ABCG5: variants seen among roughly 807,000 people sequenced by gnomAD.
The protein encoded by ABCG5 is ATP binding cassette subfamily G member 5.
Under a neutral mutation model 64.5 loss-of-function variants are expected in ABCG5, and 64 were observed. The observed-to-expected ratio is 0.99, with a 90% CI of 0.81 to 1.22. The LOEUF (loss-of-function observed/expected upper bound fraction) is 1.22, where lower values mean the gene tolerates loss of function less well. Among genes scored for constraint, ABCG5 ranks in the 50% most tolerant of loss-of-function variants. ABCG5 has a pLI of 0.00. For synonymous variants in ABCG5, 385 were observed against 326.3 expected (o/e 1.18, Z -1.94); for missense variants, 908 against 829.5 (o/e 1.09, Z -1.16).
intron 11 of ABCG5, among the ~76,000 whole-genome samples, chr2:43,817,275 A>C (rs1300957551): frequency 6.6e-6 from 1 of 152,114 alleles, no homozygotes; most frequent in Middle Eastern, 3.2e-3. Context: ...ACTTGAAGTC[A>C]GGAGTTTGAG....
chr2:43,820,139 C>T, intron 10 of ABCG5, 39 bp from the exon 11 acceptor site: 1 of 1,592,866 alleles, frequency 6.3e-7, no homozygotes, highest in African/African-American at 1.3e-5. Flanking sequence ...TCTCCAAGGG[C>T]TATCATTTAA....
intron 2 of ABCG5, among the ~76,000 whole-genome samples, chr2:43,834,779 A>G (rs1668159051): frequency 6.6e-6 from 1 of 152,260 alleles, no homozygotes; most frequent in Non-Finnish European, 1.5e-5. Flanking sequence ...CCTCCTCAAC[A>G]GCAAATAACA....
chr2:43,820,141 A>C, intron 10 of ABCG5, 41 bp from the exon 11 acceptor site: 2 of 1,588,332 alleles, frequency 1.3e-6, no homozygotes, highest in Non-Finnish European at 1.7e-6. Flanking sequence ...TCCAAGGGCT[A>C]TCATTTAAGA....
At chr2:43,819,858 G>T in intron 11 of ABCG5, 57 bp downstream of exon 11, 1 of 1,559,886 alleles carries the variant, frequency 6.4e-7, no homozygotes, top group South Asian at 1.1e-5. Context: ...GTCATTATTA[G>T]GTGATCATTA....
chr2:43,812,736 A>C lies in ABCG5; in HGVS notation c.*380T>G, dbSNP rs2278356. 82,083 of 197,730 alleles carry C rather than the reference A, an allele frequency of 0.42. 19,353 individuals are homozygous for C. The highest frequency in any genetic ancestry group is 0.66 in the African/African-American group (28,116 of 42,352). 12.2% of individuals were successfully genotyped at this position (197,730 alleles called of 1,614,324 possible). A position where few individuals can be genotyped will look rare whatever the true frequency, so the allele number is the denominator to read the frequency against. ...ACTTATGGTCAGGAATCCTTGAAAC[A>C]TTTTATTTTTGCCTAATCCTTTATC... On this transcript the variant is annotated 3_prime_UTR_variant, in exon 13 of 13. Coordinates refer to ENST00000405322, the MANE Select transcript of ABCG5 (RefSeq NM_022436.3).
At chr2:43,811,458 G>C (rs1179982644), downstream of ABCG5, among the ~76,000 whole-genome samples, 1 of 152,146 alleles carries the variant, frequency 6.6e-6, no homozygotes, top group African/African-American at 2.4e-5. Context: ...TTAGGTCACA[G>C]TCAGTGAACA....
At chr2:43,837,620 T>C (rs1424289001) in intron 2 of ABCG5, among the ~76,000 whole-genome samples, 2 of 152,190 alleles carry the variant, frequency 1.3e-5, no homozygotes, top group Non-Finnish European at 2.9e-5. Flanking sequence ...TATTTTGAAA[T>C]ATGAATTCAC....
the ABCG5 span, among the ~76,000 whole-genome samples, chr2:43,807,163 C>T: frequency 2.0e-5 from 3 of 151,906 alleles, no homozygotes; most frequent in African/African-American, 7.3e-5. Flanking sequence ...GTTGTGAGAC[C>T]TTAAGTTGTT....
At chr2:43,829,413 C>G (rs1667833351) in intron 4 of ABCG5, among the ~76,000 whole-genome samples, 1 of 152,168 alleles carries the variant, frequency 6.6e-6, no homozygotes, top group African/African-American at 2.4e-5. Context: ...TAACCCCCAG[C>G]CACATTTAAA....
chr2:43,828,200 C>T, intron 4 of ABCG5, 85 bp from the exon 5 acceptor site: 1 of 1,592,046 alleles, frequency 6.3e-7, no homozygotes, highest in Non-Finnish European at 8.6e-7. Flanking sequence ...ATGAAAGAGG[C>T]AGCACACCGC....
rs1668377892 is a variant in ABCG5 at position 43,837,846 on chromosome 2, G to C, written c.253C>G (p.Leu85Val). ...YVESGQIMCI[L>V]GSSGSGKTTL... ...TTCCCAAGCTTACCTGAGCTTCCTAGGATGCACATGATCTGCCCGCTCTCC... is the reference window on the plus strand; with the variant it reads ...TTCCCAAGCTTACCTGAGCTTCCTACGATGCACATGATCTGCCCGCTCTCC... The change falls in exon 2 of 13, where the codon CTA becomes GTA. Residue 85 changes from leucine (L) to valine (V), a missense_variant. Transcript: ENST00000405322. 2.5e-6 allele frequency: 4 copies of C among 1,613,836 alleles called. No homozygotes were observed. Among genetic ancestry groups the C allele is most frequent in the Middle Eastern group, 1.7e-4 (1 of 6,058 alleles).
intron 2 of ABCG5, among the ~76,000 whole-genome samples, chr2:43,834,183 G>C (rs1014088328): frequency 6.6e-6 from 1 of 152,228 alleles, no homozygotes; most frequent in East Asian, 1.9e-4. Context: ...CATTGGGATT[G>C]TCTTTCAAAA....
intron 10 of ABCG5, among the ~76,000 whole-genome samples, chr2:43,822,316 A>T (rs1667264276): frequency 6.6e-6 from 1 of 151,826 alleles, no homozygotes; most frequent in African/African-American, 2.4e-5. Context: ...ACTTCCTTGA[A>T]ACTCTCTCCT....
Position 43,838,621 on chromosome 2 carries a change from C to G in ABCG5, c.59G>C (p.Gly20Ala). Residue 20 changes from glycine to alanine, a missense_variant, in exon 1 of 13, where the codon GGC becomes GCC. Gly to Ala is a moderately conservative substitution (Grantham distance 60, BLOSUM62 0). Transcript: ENST00000405322. The surrounding 1 kb of genome is among the most constrained non-coding windows in gnomAD (Gnocchi z 4.2). ...GGSMGLQVNR[G>A]SQSSLEGAPA... ...AGCCCCCTCCAGGGAGCTCTGGGAGCCTCTGTTTACTTGGAGACCCATGGA... is the reference window on the plus strand; with the variant it reads ...AGCCCCCTCCAGGGAGCTCTGGGAGGCTCTGTTTACTTGGAGACCCATGGA... The G allele has an allele frequency of 6.2e-7, 1 of 1,613,084 alleles. No individual in the cohort carries two copies. Among genetic ancestry groups the G allele is most frequent in the Non-Finnish European group, 8.5e-7 (1 of 1,179,796 alleles).
rs374824368 is a variant in ABCG5 at position 43,824,294 on chromosome 2, A to G, written c.1043T>C (p.Leu348Pro). The G allele has an allele frequency of 6.8e-6, 11 of 1,614,048 alleles. No individual in the cohort carries two copies. The highest frequency in any genetic ancestry group is 8.5e-6 in the Non-Finnish European group (10 of 1,180,012). Residue 348 changes from leucine (L) to proline (P), a missense_variant, in exon 8 of 13, where the codon CTG becomes CCG. Leu to Pro is a moderately conservative substitution (Grantham distance 98). Coordinates refer to ENST00000405322, the MANE Select transcript of ABCG5 (RefSeq NM_022436.3). ...GAAAGGAACCATTGGTAACGTTTTC[A>G]GGTGTTTCATTCTTTCAATATTCTT... ...TLKNIERMKH[L>P]KTLPMVPFKT... is the part of the protein sequence containing the mutation.
chr2:43,838,395 C>G lies in ABCG5; in HGVS notation c.143+142G>C. The G allele has an allele frequency of 1.3e-6, 1 of 785,918 alleles. No homozygotes were observed. Among genetic ancestry groups the G allele is most frequent in the Admixed American group, 2.7e-5 (1 of 37,470 alleles). The allele number at this position is 785,918 out of a possible 1,614,324, so 48.7% of individuals were successfully genotyped here. A position where few individuals can be genotyped will look rare whatever the true frequency, so the allele number is the denominator to read the frequency against. On this transcript the variant is annotated intron_variant, in intron 1 of 12. Transcript: ENST00000405322. The surrounding 1 kb of genome is among the most constrained non-coding windows in gnomAD (Gnocchi z 4.2). Reference sequence around the variant, plus strand: ...ATGTTTCCCAGCACAGCCCTTCTCCCTCTCCTCTCTCCACCCGATCCACTA... The same window carrying G: ...ATGTTTCCCAGCACAGCCCTTCTCCGTCTCCTCTCTCCACCCGATCCACTA...
chr2:43,813,697 GTTTTTTTTTTCGTTTTTTTTTTTTTT>G (rs1322489016), intron 12 of ABCG5, among the ~76,000 whole-genome samples: 4 of 91,318 alleles, frequency 4.4e-5, no homozygotes, highest in Non-Finnish European at 7.3e-5. Context: ...TTTTTTTGGG[GTTTTTTTTTTCGTTTTTTTTTTTTTT>G]TTTTTTTTTT....
downstream of ABCG5, among the ~76,000 whole-genome samples, chr2:43,811,212 A>G (rs947192383): frequency 7.2e-5 from 11 of 152,234 alleles, no homozygotes; most frequent in African/African-American, 2.7e-4. Flanking sequence ...AGAATTGTCT[A>G]TAACTGATGT....
At chr2:43,834,060 C>T (rs1308526896) in intron 2 of ABCG5, among the ~76,000 whole-genome samples, 2 of 152,218 alleles carry the variant, frequency 1.3e-5, no homozygotes, top group African/African-American at 4.8e-5. Flanking sequence ...TAGCAGTTGT[C>T]TTCTTTTCTA....
Sources: gnomAD v4.1 joint callset for allele counts (sites outside exome capture counted in the v4.1 genomes callset) on GRCh38, gnomAD v4.1.1 for gene constraint, Gnocchi (gnomAD v3.1) non-coding constraint, MANE v1.5 for transcripts, NCBI Gene and HGNC (gene_info 2026-07-23, HGNC 2026-07-21) for gene names.